NCOA2: variants seen among roughly 807,000 people sequenced by gnomAD.
NCOA2 encodes class E basic helix-loop-helix protein 75.
In NCOA2, 21 loss-of-function variants were observed where a neutral mutation model predicts 145.1. The observed-to-expected ratio is 0.14, with a 90% confidence interval of 0.10 to 0.21. The LOEUF (loss-of-function observed/expected upper bound fraction) is 0.21. Ranked by LOEUF, NCOA2 falls within the 10% of genes least tolerant of loss-of-function variation. The probability of loss-of-function intolerance (pLI) is 1.00; values close to 1 mark genes in which losing one functional copy is unlikely to be tolerated. For synonymous variants in NCOA2, 619 were observed against 637.5 expected, an observed-to-expected ratio of 0.97 and a Z score of 0.44; for missense variants, 1,472 against 1,837.6, an observed-to-expected ratio of 0.80 and a Z score of 3.64.
At chr8:70,262,042 A>G (rs1259557274) in intron 2 of NCOA2, among the ~76,000 whole-genome samples, 1 of 151,996 alleles carries the variant, frequency 6.6e-6, no homozygotes, top group East Asian at 1.9e-4. Context: ...TATAGAAGAT[A>G]TTATAAAATA....
In NCOA2 at chr8:70,186,018, G is replaced by A. The variant is rs111850197; in HGVS notation, c.260-11159C>T. ...TATTAGAAACTACGTATAGGAATGC[G>A]GCCACCTAACAATGAAAACGCACAT... is the stretch of plus-strand genomic sequence containing the variant. On this transcript the variant is annotated intron_variant, in intron 4 of 22. Coordinates refer to ENST00000452400, the MANE Select transcript of NCOA2 (RefSeq NM_006540.4). 3.9e-3 allele frequency among the ~76,000 whole-genome samples: 585 copies of A among 151,908 alleles called. 9 individuals are homozygous for A. Among genetic ancestry groups the A allele is most frequent in the African/African-American group, 0.014 (560 of 41,412 alleles).
chr8:70,166,554 A>G lies in NCOA2; in HGVS notation c.730+12T>C. The G allele has an allele frequency of 1.2e-6, 2 of 1,612,676 alleles. No individual in the cohort carries two copies. The highest frequency in any genetic ancestry group is 1.7e-6 in the Non-Finnish European group (2 of 1,178,660). ...CACAGACACACAGAACACCCTAGGG[A>G]TTCTGTCCCACCTTCTCCTTCTTCT... On this transcript the variant is annotated intron_variant, in intron 7 of 22. Coordinates refer to ENST00000452400, the MANE Select transcript of NCOA2 (RefSeq NM_006540.4).
chr8:70,386,000 G>A (rs578079025), intron 1 of NCOA2, among the ~76,000 whole-genome samples: 4 of 152,204 alleles, frequency 2.6e-5, no homozygotes, highest in East Asian at 1.9e-4. Flanking sequence ...TTCTTAATAC[G>A]CAAGAGTGAG....
At chr8:70,203,809 T>C (rs557300672) in intron 4 of NCOA2, among the ~76,000 whole-genome samples, 1 of 152,336 alleles carries the variant, frequency 6.6e-6, no homozygotes, top group South Asian at 2.1e-4. Context: ...CTCACAGAAA[T>C]TTAAATGTAC....
chr8:70,445,996 T>C, the NCOA2 span, among the ~76,000 whole-genome samples: 2 of 152,052 alleles, frequency 1.3e-5, no homozygotes, highest in African/African-American at 2.4e-5. Flanking sequence ...CTAGAAATTA[T>C]ACCCTATACT....
At chr8:70,121,184 G>A in intron 22 of NCOA2, 118 bp downstream of exon 22, 2 of 804,090 alleles carry the variant, frequency 2.5e-6, no homozygotes, top group South Asian at 1.6e-5. Context: ...GAAACCAGAA[G>A]ATATTTTACG....
At position 70,124,142 on chromosome 8, in the gene NCOA2, A is replaced by T. The variant is rs1808140986; in HGVS notation, c.4095-60T>A. 6.0e-6 allele frequency: 9 copies of T among 1,501,624 alleles called. No homozygotes were observed. The South Asian group carries it at 1.1e-4, about 19-fold the overall frequency. 93.0% of individuals were successfully genotyped at this position (1,501,624 alleles called of 1,614,324 possible). A position where few individuals can be genotyped will look rare whatever the true frequency, so the allele number is the denominator to read the frequency against. On this transcript the variant is annotated intron_variant, in intron 20 of 22. Transcript: ENST00000452400. ...AGCTTGCTGGTATCCAGAGGCAGGCAGCTCAGGGCACTTGTTTCTCAGGCG... is the reference window on the plus strand; with the variant it reads ...AGCTTGCTGGTATCCAGAGGCAGGCTGCTCAGGGCACTTGTTTCTCAGGCG...
intron 1 of NCOA2, among the ~76,000 whole-genome samples, chr8:70,391,016 T>A (rs1356128916): frequency 6.6e-6 from 1 of 151,830 alleles, no homozygotes; most frequent in Non-Finnish European, 1.5e-5. Flanking sequence ...TCTAATAAGA[T>A]CCTAAAGTAG....
At chr8:70,400,328 C>T (rs1012104482) in intron 1 of NCOA2, among the ~76,000 whole-genome samples, 1 of 152,112 alleles carries the variant, frequency 6.6e-6, no homozygotes, top group Non-Finnish European at 1.5e-5. Flanking sequence ...TGAGAGCACA[C>T]AATGGAATCA....
intron 2 of NCOA2, among the ~76,000 whole-genome samples, chr8:70,249,487 A>C (rs1822916193): frequency 6.6e-6 from 1 of 152,088 alleles, no homozygotes. Flanking sequence ...CTTATCTATA[A>C]ATGTGTGTCT....
intron 2 of NCOA2, among the ~76,000 whole-genome samples, chr8:70,296,489 T>C (rs1020540846): frequency 2.0e-5 from 3 of 152,208 alleles, no homozygotes; most frequent in African/African-American, 7.2e-5. Flanking sequence ...ACTCATCCAA[T>C]GGGTATAATG....
chr8:70,434,759 A>G, the NCOA2 span, among the ~76,000 whole-genome samples: 7 of 152,126 alleles, frequency 4.6e-5, no homozygotes, highest in South Asian at 8.3e-4. Flanking sequence ...TCATAAAGAT[A>G]GGGGTAATAC....
chr8:70,300,490 C>A (rs1027842985), intron 1 of NCOA2, among the ~76,000 whole-genome samples: 30 of 152,140 alleles, frequency 2.0e-4, no homozygotes, highest in Non-Finnish European at 2.9e-5. Flanking sequence ...CCAAGTAGAG[C>A]ATCAACTAGC....
chr8:70,129,126 G>A (rs1808789081), intron 16 of NCOA2, 146 bp from the exon 17 acceptor site: 1 of 809,108 alleles, frequency 1.2e-6, no homozygotes, highest in Non-Finnish European at 1.9e-6. Flanking sequence ...TACCTTTAGA[G>A]CTTGACTCCA....
intron 4 of NCOA2, among the ~76,000 whole-genome samples, chr8:70,181,900 G>T (rs927602813): frequency 1.3e-5 from 2 of 152,194 alleles, no homozygotes; most frequent in Admixed American, 6.5e-5. Flanking sequence ...CTGAAACAAT[G>T]ATGGGCAGTT....
chr8:70,306,561 A>T (rs570892770), intron 1 of NCOA2, among the ~76,000 whole-genome samples: 3 of 152,324 alleles, frequency 2.0e-5, no homozygotes, highest in African/African-American at 7.2e-5. Flanking sequence ...TTGTTATGAA[A>T]CAGATGCCAG....
chr8:70,147,121 C>CGTGT (rs747559223), intron 12 of NCOA2, among the ~76,000 whole-genome samples: 1 of 150,718 alleles, frequency 6.6e-6, no homozygotes, highest in African/African-American at 2.5e-5. Context: ...CGCGCGCGCG[C>CGTGT]GCGCGCGTGT....
At chr8:70,450,728 C>T in the NCOA2 span, among the ~76,000 whole-genome samples, 4 of 150,972 alleles carry the variant, frequency 2.6e-5, no homozygotes, top group South Asian at 2.1e-4. Context: ...TACAGGGGTG[C>T]GCTACCACTC....
the NCOA2 span, among the ~76,000 whole-genome samples, chr8:70,415,396 A>T: frequency 0.011 from 1,749 of 152,268 alleles, 43 homozygotes; most frequent in African/African-American, 0.04. Flanking sequence ...TGAAATTTAC[A>T]GCAGATGCGG....
Sources: allele counts gnomAD v4.1 joint callset (sites outside exome capture counted in the v4.1 genomes callset), GRCh38; gene constraint gnomAD v4.1.1; transcripts MANE v1.5; gene names NCBI Gene and HGNC (gene_info 2026-07-23, HGNC 2026-07-21).